The following FAM241A variants were observed in gnomAD, a reference collection of about 807,000 sequenced individuals.
The protein encoded by FAM241A is family with sequence similarity 241 member A, also known as uncharacterized protein FAM241A.
Under a neutral mutation model 12.2 loss-of-function variants are expected in FAM241A, and 7 were observed. That is an observed-to-expected ratio of 0.58 (90% CI 0.33 to 1.08). The LOEUF (loss-of-function observed/expected upper bound fraction) is 1.08, where lower values mean the gene tolerates loss of function less well. Among genes scored for constraint, FAM241A ranks in the 50% least tolerant of loss-of-function variants. FAM241A has a pLI of 0.04. For synonymous variants in FAM241A, 74 were observed against 68.2 expected (o/e 1.08, Z -0.42); for missense variants, 161 against 169.7 (o/e 0.95, Z 0.29).
intron 1 of FAM241A, among the ~76,000 whole-genome samples, chr4:112,171,743 C>G (rs1370744527): frequency 1.3e-5 from 2 of 152,008 alleles, no homozygotes; most frequent in Non-Finnish European, 1.5e-5. Flanking sequence ...CCTGTAGTCC[C>G]AGCTACTCAG....
chr4:112,161,246 A>G (rs958217162), intron 1 of FAM241A, among the ~76,000 whole-genome samples: 1 of 152,246 alleles, frequency 6.6e-6, no homozygotes, highest in African/African-American at 2.4e-5. Flanking sequence ...ATCACAATTA[A>G]AAGAACTAGA....
intron 1 of FAM241A, among the ~76,000 whole-genome samples, chr4:112,166,086 G>A (rs560878382): frequency 2.6e-4 from 37 of 143,532 alleles, no homozygotes; most frequent in Middle Eastern, 3.6e-3. Flanking sequence ...TCGCTCTGTC[G>A]CCCAGGCTGG....
intron 1 of FAM241A, 128 bp downstream of exon 1, chr4:112,145,861 C>G (rs1210751722): frequency 1.4e-5 from 7 of 495,040 alleles, no homozygotes; most frequent in Non-Finnish European, 1.9e-5. Context: ...ACTGGCTCCC[C>G]GGCGCTCTGG....
intron 1 of FAM241A, among the ~76,000 whole-genome samples, chr4:112,146,157 T>C (rs1386214707): frequency 3.9e-5 from 6 of 152,112 alleles, no homozygotes; most frequent in African/African-American, 1.4e-4. Flanking sequence ...CCGCCCTCCA[T>C]CTTGCGTTTC....
In FAM241A at chr4:112,186,954, A is replaced by G. The variant is rs775678102; in HGVS notation, c.*16A>G. 27 of 1,605,004 alleles carry G rather than the reference A, an allele frequency of 1.7e-5. No homozygotes were observed. The highest frequency in any genetic ancestry group is 2.3e-5 in the Non-Finnish European group (27 of 1,174,398). ...GCAACAGTAAAACATGGCCGAATTG[A>G]ATTGTTTGACATTTGGTAGCCATAT... is the stretch of plus-strand genomic sequence containing the variant. On this transcript the variant is annotated 3_prime_UTR_variant, in exon 2 of 2. Coordinates refer to ENST00000309733, the MANE Select transcript of FAM241A (RefSeq NM_152400.3).
chr4:112,157,109 A>G lies in FAM241A; in HGVS notation c.153+11376A>G, dbSNP rs769003995. Among the ~76,000 whole-genome samples, 28 of 152,286 alleles carry G rather than the reference A, an allele frequency of 1.8e-4. 1 individual carries two copies. The highest frequency in any genetic ancestry group is 3.2e-4 in the Non-Finnish European group (22 of 67,976). ...GGTTCTCATTAAACATAAAAGAAACACGTGTTAAAGATTTTATGTAACTCA... is the reference window on the plus strand; with the variant it reads ...GGTTCTCATTAAACATAAAAGAAACGCGTGTTAAAGATTTTATGTAACTCA... On this transcript the variant is annotated intron_variant, in intron 1 of 1. Coordinates refer to ENST00000309733, the MANE Select transcript of FAM241A (RefSeq NM_152400.3).
intron 1 of FAM241A, among the ~76,000 whole-genome samples, chr4:112,160,913 ATGAAT>A (rs571533681): frequency 6.6e-6 from 1 of 152,060 alleles, no homozygotes; most frequent in Non-Finnish European, 1.5e-5. Flanking sequence ...TCAAATCAAA[ATGAAT>A]TAAAGACTGA....
chr4:112,155,474 T>C (rs952672797), intron 1 of FAM241A, among the ~76,000 whole-genome samples: 1 of 152,000 alleles, frequency 6.6e-6, no homozygotes, highest in African/African-American at 2.4e-5. Context: ...AAAACAATGC[T>C]ATAATTTTTC....
At chr4:112,163,942 T>A (rs1723536923) in intron 1 of FAM241A, among the ~76,000 whole-genome samples, 2 of 152,174 alleles carry the variant, frequency 1.3e-5, no homozygotes, top group Admixed American at 6.5e-5. Context: ...CCATAAAAAA[T>A]GATGAGTTCA....
At position 112,151,985 on chromosome 4, in the gene FAM241A, C is replaced by A. The variant is rs531387970; in HGVS notation, c.153+6252C>A. Among the ~76,000 whole-genome samples, 49 of 152,260 alleles carry A rather than the reference C, an allele frequency of 3.2e-4. No homozygotes were observed. In the East Asian group the frequency reaches 9.3e-3, roughly 29 times the overall value. On this transcript the variant is annotated intron_variant, in intron 1 of 1. Transcript: ENST00000309733. ...CTAAATATTAGTTTATACTCACTTC[C>A]TTTCACGTATTTTAAAAGCAGTTTG...
At chr4:112,159,122 G>T (rs1723411133) in intron 1 of FAM241A, among the ~76,000 whole-genome samples, 1 of 152,118 alleles carries the variant, frequency 6.6e-6, no homozygotes, top group African/African-American at 2.4e-5. Context: ...GGTCATGGAA[G>T]AGCTCACTGA....
intron 1 of FAM241A, among the ~76,000 whole-genome samples, chr4:112,153,393 T>C (rs1458791670): frequency 6.6e-6 from 1 of 152,234 alleles, no homozygotes; most frequent in African/African-American, 2.4e-5. Context: ...TCTCTATTCA[T>C]GTGTTCTTTA....
chr4:112,165,013 C>T (rs969944790), intron 1 of FAM241A, among the ~76,000 whole-genome samples: 12 of 152,124 alleles, frequency 7.9e-5, no homozygotes, highest in African/African-American at 9.6e-5. Flanking sequence ...GGGAGAATCA[C>T]CTGAGCCTAG....
intron 1 of FAM241A, among the ~76,000 whole-genome samples, chr4:112,165,109 A>T (rs988913917): frequency 2.0e-5 from 3 of 152,166 alleles, no homozygotes; most frequent in African/African-American, 7.2e-5. Flanking sequence ...TCAAAAGCAA[A>T]ACAAAAACAA....
intron 1 of FAM241A, among the ~76,000 whole-genome samples, chr4:112,171,869 A>G (rs1236012432): frequency 1.3e-5 from 2 of 152,112 alleles, no homozygotes; most frequent in Non-Finnish European, 2.9e-5. Flanking sequence ...AAAAAACAAA[A>G]ACAAAAACAA....
chr4:112,176,634 A>C (rs1044221757), intron 1 of FAM241A, among the ~76,000 whole-genome samples: 5 of 152,240 alleles, frequency 3.3e-5, no homozygotes, highest in African/African-American at 1.2e-4. Context: ...GTGATTACTT[A>C]AGGGTTTACC....
intron 1 of FAM241A, among the ~76,000 whole-genome samples, chr4:112,157,417 A>AT (rs1280389222): frequency 1.3e-5 from 2 of 151,966 alleles, no homozygotes; most frequent in Non-Finnish European, 2.9e-5. Flanking sequence ...ACACCCAGAA[A>AT]TTTTTTTTGC....
chr4:112,152,721 T>G (rs2110420170), intron 1 of FAM241A, among the ~76,000 whole-genome samples: 2 of 152,316 alleles, frequency 1.3e-5, no homozygotes, highest in South Asian at 4.1e-4. Flanking sequence ...TCCACTTCAG[T>G]GCAGAAGCTG....
intron 1 of FAM241A, among the ~76,000 whole-genome samples, chr4:112,179,558 TG>T (rs1468670596): frequency 6.7e-6 from 1 of 149,750 alleles, no homozygotes; most frequent in Non-Finnish European, 1.5e-5. Context: ...GGGCCTGTAG[TG>T]GGGTGGGGAG....
Sources: gnomAD v4.1 joint callset for allele counts (sites outside exome capture counted in the v4.1 genomes callset) on GRCh38, gnomAD v4.1.1 for gene constraint, MANE v1.5 for transcripts, NCBI Gene and HGNC (gene_info 2026-07-23, HGNC 2026-07-21) for gene names.